Variants in WWTR1 observed in about 807,000 individuals in gnomAD.
WWTR1 encodes the protein WW domain-containing transcription regulator protein 1.
WWTR1 carries 13 observed loss-of-function variants against 40.1 expected under a neutral mutation model. That is an observed-to-expected ratio of 0.32 (90% CI 0.21 to 0.52). The LOEUF (loss-of-function observed/expected upper bound fraction) is 0.52. Among genes scored for constraint, WWTR1 ranks in the 20% least tolerant of loss-of-function variants. WWTR1 has a pLI of 0.97. For synonymous variants in WWTR1, 230 were observed against 210.1 expected (o/e 1.09, Z -0.82); for missense variants, 436 against 523.1 (o/e 0.83, Z 1.63).
At chr3:149,660,643 G>A (rs899939356), upstream of WWTR1, among the ~76,000 whole-genome samples, 1 of 152,218 alleles carries the variant, frequency 6.6e-6, no homozygotes, top group South Asian at 2.1e-4. Context: ...GTGGATAAGT[G>A]TATAATTTCT....
rs562008780 is a variant in WWTR1, at chr3:149,550,812, A to G, written c.569-8275T>C. 1.2e-4 allele frequency among the ~76,000 whole-genome samples: 18 copies of G among 146,216 alleles called. 2 individuals are homozygous for G. The highest frequency in any genetic ancestry group is 4.4e-4 in the African/African-American group (17 of 38,772). On this transcript the variant is annotated intron_variant, in intron 3 of 6. Transcript: ENST00000360632. ...TCCATAAGCACGTGATGATTTAAAA[A>G]GAAAATTTCAAAGATGGCTTAACTT... is the stretch of plus-strand genomic sequence containing the variant.
intron 5 of WWTR1, among the ~76,000 whole-genome samples, chr3:149,715,253 C>T (rs1418656916): frequency 6.6e-6 from 1 of 152,182 alleles, no homozygotes; most frequent in Admixed American, 6.5e-5. Flanking sequence ...CTTCAGGGAG[C>T]CCAGACCTGG....
At chr3:149,583,835 G>A (rs1053505263) in intron 2 of WWTR1, among the ~76,000 whole-genome samples, 4 of 152,260 alleles carry the variant, frequency 2.6e-5, no homozygotes, top group South Asian at 4.2e-4. Context: ...GTGAAACAAC[G>A]AGCAGTATGG....
At chr3:149,619,660 G>C (rs1253270719) in intron 2 of WWTR1, among the ~76,000 whole-genome samples, 1 of 152,068 alleles carries the variant, frequency 6.6e-6, no homozygotes, top group Non-Finnish European at 1.5e-5. Flanking sequence ...AGCACTGGTT[G>C]ATGATTTCTT....
intron 3 of WWTR1, among the ~76,000 whole-genome samples, chr3:149,558,002 CAAAAAAA>C (rs10554239): frequency 2.4e-5 from 2 of 82,958 alleles, no homozygotes; most frequent in Non-Finnish European, 5.8e-5. Flanking sequence ...GGCTCCATCT[CAAAAAAA>C]AAAAAAAAAA....
intron 2 of WWTR1, among the ~76,000 whole-genome samples, chr3:149,627,490 A>G (rs1303855596): frequency 6.6e-6 from 1 of 152,186 alleles, no homozygotes; most frequent in Non-Finnish European, 1.5e-5. Flanking sequence ...GCTGCCTTAA[A>G]CCAGCCCTTT....
chr3:149,681,441 C>T (rs1307960752), intron 1 of WWTR1, among the ~76,000 whole-genome samples: 5 of 152,298 alleles, frequency 3.3e-5, no homozygotes, highest in Non-Finnish European at 5.9e-5. Flanking sequence ...TGGAATTGAA[C>T]ATTTTTTAAT....
In WWTR1 at chr3:149,677,104, C is replaced by T. The variant is rs541165562; in HGVS notation, c.-107-7213G>A. On this transcript the variant is annotated intron_variant, in intron 1 of 7. Coordinates refer to the WWTR1 transcript ENST00000465804. ...GCTAATTTTGTATTTTTAGGAGAGA[C>T]GGGGTGTCACCATGTTGGTCAGGCT... is the stretch of plus-strand genomic sequence containing the variant. Among the ~76,000 whole-genome samples the T allele has an allele frequency of 1.4e-4, 21 of 151,968 alleles. No individual in the cohort carries two copies. In the South Asian group the frequency reaches 3.1e-3, roughly 23 times the overall value.
rs1306811683 is a variant in WWTR1 at position 149,517,429 on chromosome 3, C to CAT, written c.*3374_*3375dup. Reference sequence around the variant, plus strand: ...ATTTTAAAAAGTTAAAGTACTAGCACATATATGTGTTAGGAAAATGGTCTC... The same window carrying CAT: ...ATTTTAAAAAGTTAAAGTACTAGCACATATATATGTGTTAGGAAAATGGTCTC... On this transcript the variant is annotated 3_prime_UTR_variant, in exon 7 of 7. Coordinates refer to ENST00000360632, the MANE Select transcript of WWTR1 (RefSeq NM_015472.6). The CAT allele has an allele frequency of 6.6e-6, 1 of 152,166 alleles. No homozygotes were observed. The highest frequency in any genetic ancestry group is 2.4e-5 in the African/African-American group (1 of 41,424). 9.4% of individuals were successfully genotyped at this position (152,166 alleles called of 1,614,324 possible).
chr3:149,522,172 T>C (rs1735081089), intron 6 of WWTR1, among the ~76,000 whole-genome samples: 1 of 152,216 alleles, frequency 6.6e-6, no homozygotes, highest in South Asian at 2.1e-4. Context: ...CATAACGTCA[T>C]TTTTTAAAAA....
chr3:149,606,011 T>C (rs1039501066), intron 2 of WWTR1, among the ~76,000 whole-genome samples: 3 of 152,266 alleles, frequency 2.0e-5, no homozygotes, highest in Non-Finnish European at 1.5e-5. Context: ...AGAGCCCACA[T>C]GGAATGGGAT....
At chr3:149,571,274 A>G (rs1737618294) in intron 3 of WWTR1, among the ~76,000 whole-genome samples, 1 of 122,450 alleles carries the variant, frequency 8.2e-6, no homozygotes, top group African/African-American at 3.1e-5. Flanking sequence ...TCCGATTATA[A>G]TTGATTACAA....
At chr3:149,588,590 A>C (rs764506364) in intron 2 of WWTR1, among the ~76,000 whole-genome samples, 2 of 152,214 alleles carry the variant, frequency 1.3e-5, no homozygotes, top group Non-Finnish European at 2.9e-5. Context: ...ATATTGTGGG[A>C]GTGAACATAA....
chr3:149,536,546 G>A (rs964568735), intron 4 of WWTR1, among the ~76,000 whole-genome samples: 3 of 152,002 alleles, frequency 2.0e-5, no homozygotes, highest in South Asian at 2.1e-4. Context: ...CCCCCTCCAG[G>A]AGCCCTCTGT....
At chr3:149,667,218 G>T (rs1252794986) in intron 2 of WWTR1, among the ~76,000 whole-genome samples, 2 of 152,020 alleles carry the variant, frequency 1.3e-5, no homozygotes, top group African/African-American at 4.8e-5. Flanking sequence ...TTGTTTAGTT[G>T]GAACTTGATG....
At chr3:149,711,204 G>A (rs1040481073) in intron 5 of WWTR1, among the ~76,000 whole-genome samples, 5 of 150,334 alleles carry the variant, frequency 3.3e-5, no homozygotes, top group Admixed American at 2.0e-4. Context: ...GGTTGCTTGT[G>A]CCTGTAATCC....
chr3:149,623,723 C>T (rs993724623), intron 2 of WWTR1, among the ~76,000 whole-genome samples: 1 of 152,128 alleles, frequency 6.6e-6, no homozygotes, highest in African/African-American at 2.4e-5. Context: ...GCTAATCATC[C>T]ACTATGTGAC....
chr3:149,566,633 A>C (rs1182367609), intron 3 of WWTR1, among the ~76,000 whole-genome samples: 1 of 152,214 alleles, frequency 6.6e-6, no homozygotes, highest in Non-Finnish European at 1.5e-5. Context: ...GTGAACTTTC[A>C]GCATGTCTTT....
At chr3:149,581,839 C>T (rs142657057) in intron 2 of WWTR1, among the ~76,000 whole-genome samples, 205 of 152,264 alleles carry the variant, frequency 1.3e-3, no homozygotes, top group Middle Eastern at 3.4e-3. Context: ...ATCTCCCTCA[C>T]GTCCTTCCCA....
Sources: allele counts gnomAD v4.1 joint callset (sites outside exome capture counted in the v4.1 genomes callset), GRCh38; gene constraint gnomAD v4.1.1; transcripts MANE v1.5; gene names NCBI Gene and HGNC (gene_info 2026-07-23, HGNC 2026-07-21).